CAPZA1: variants seen among roughly 807,000 people sequenced by gnomAD.
CAPZA1 encodes the protein F-actin-capping protein subunit alpha-1.
CAPZA1 carries 10 observed loss-of-function variants against 40.8 expected under a neutral mutation model. The ratio of observed to expected loss-of-function variants is 0.25; its 90% CI spans 0.15 to 0.42. CAPZA1 has a LOEUF of 0.42. Ranked by LOEUF, CAPZA1 falls within the 10% of genes least tolerant of loss-of-function variation. CAPZA1 has a pLI of 1.00. For synonymous variants in CAPZA1, 98 were observed against 115.0 expected, an observed-to-expected ratio of 0.85 and a Z score of 0.95; for missense variants, 277 against 353.8, an observed-to-expected ratio of 0.78 and a Z score of 1.74.
intron 1 of CAPZA1, among the ~76,000 whole-genome samples, chr1:112,642,194 C>G (rs539331948): frequency 6.9e-6 from 1 of 144,296 alleles, no homozygotes; most frequent in African/African-American, 2.5e-5. Context: ...CTGAAGACTA[C>G]CCCGCACCTT....
At chr1:112,657,093 G>A (rs1671513748) in intron 5 of CAPZA1, among the ~76,000 whole-genome samples, 2 of 151,880 alleles carry the variant, frequency 1.3e-5, no homozygotes, top group South Asian at 4.2e-4. Flanking sequence ...GTAGAGACGG[G>A]GTTTCACTGT....
chr1:112,621,763 T>G (rs1670674546), intron 1 of CAPZA1, among the ~76,000 whole-genome samples: 2 of 145,000 alleles, frequency 1.4e-5, no homozygotes, highest in Non-Finnish European at 3.0e-5. Context: ...GGGTTATGGT[T>G]TTTTTTTTTT....
At position 112,619,903 on chromosome 1, in the gene CAPZA1, C is replaced by G. The variant is rs1166371738; in HGVS notation, c.39+20C>G. On this transcript the variant is annotated intron_variant, in intron 1 of 9. Coordinates refer to ENST00000263168, the MANE Select transcript of CAPZA1 (RefSeq NM_006135.3). ...GAGAAGGTAAGGGGTCCGCCTCTCTCTCTTACCTCCTCCCCCGACAGGGAA... is the reference window on the plus strand; with the variant it reads ...GAGAAGGTAAGGGGTCCGCCTCTCTGTCTTACCTCCTCCCCCGACAGGGAA... The G allele has an allele frequency of 6.3e-7, 1 of 1,593,456 alleles. No homozygotes were observed. Among genetic ancestry groups the G allele is most frequent in the Non-Finnish European group, 8.6e-7 (1 of 1,167,296 alleles).
At chr1:112,666,345 A>G (rs1671724692) in intron 7 of CAPZA1, among the ~76,000 whole-genome samples, 1 of 152,168 alleles carries the variant, frequency 6.6e-6, no homozygotes, top group Non-Finnish European at 1.5e-5. Flanking sequence ...TCCTATTCAA[A>G]TGCACAAAAG....
At chr1:112,632,270 T>G (rs1378901382) in intron 1 of CAPZA1, among the ~76,000 whole-genome samples, 2 of 152,188 alleles carry the variant, frequency 1.3e-5, no homozygotes, top group African/African-American at 4.8e-5. Context: ...ATCACGCCAC[T>G]GCACTCCATC....
intron 1 of CAPZA1, among the ~76,000 whole-genome samples, chr1:112,622,173 G>T (rs1432374116): frequency 6.6e-6 from 1 of 152,030 alleles, no homozygotes; most frequent in Admixed American, 6.6e-5. Context: ...TTTTCTAAAG[G>T]CAGTGAACCT....
chr1:112,621,863 G>A (rs1044518572), intron 1 of CAPZA1, among the ~76,000 whole-genome samples: 1 of 145,540 alleles, frequency 6.9e-6, no homozygotes, highest in Non-Finnish European at 1.5e-5. Flanking sequence ...TCTGGTTCAA[G>A]CGATTCTCCT....
chr1:112,620,378 A>G (rs1670591416), intron 1 of CAPZA1: 1 of 153,116 alleles, frequency 6.5e-6, no homozygotes, highest in South Asian at 1.8e-4. Context: ...TTTTGCTGTC[A>G]CGACTCTTCG....
At chr1:112,627,026 T>C (rs989567973) in intron 1 of CAPZA1, among the ~76,000 whole-genome samples, 1 of 152,246 alleles carries the variant, frequency 6.6e-6, no homozygotes, top group African/African-American at 2.4e-5. Context: ...ATTAACCATG[T>C]ATTTATCTCA....
At position 112,638,471 on chromosome 1, in the gene CAPZA1, C is replaced by T. The variant is rs145269887; in HGVS notation, c.40-8739C>T. On this transcript the variant is annotated intron_variant, in intron 1 of 9. Transcript: ENST00000263168. Reference sequence around the variant, plus strand: ...CTGGGATTACAGGTGCCCACCACTACGCCCGGCTAGTGTTTATATTTTTAG... The same window carrying T: ...CTGGGATTACAGGTGCCCACCACTATGCCCGGCTAGTGTTTATATTTTTAG... 1.4e-3 allele frequency among the ~76,000 whole-genome samples: 207 copies of T among 152,174 alleles called. 6 individuals carry two copies. In the East Asian group the frequency reaches 0.032, roughly 23 times the overall value.
chr1:112,645,569 G>A (rs902544221), intron 1 of CAPZA1, among the ~76,000 whole-genome samples: 26 of 152,068 alleles, frequency 1.7e-4, no homozygotes, highest in African/African-American at 6.3e-4. Flanking sequence ...AGGAGTTTGA[G>A]GTTACAGTGA....
rs1671835144 is a variant in CAPZA1 at position 112,671,568 on chromosome 1, T to C, written c.*1436T>C. 6.5e-6 allele frequency: 1 copy of C among 152,678 alleles called. No homozygotes were observed. Among genetic ancestry groups the C allele is most frequent in the African/African-American group, 2.4e-5 (1 of 41,472 alleles). 9.5% of individuals were successfully genotyped at this position (152,678 alleles called of 1,614,324 possible). A position where few individuals can be genotyped will look rare whatever the true frequency, so the allele number is the denominator to read the frequency against. On this transcript the variant is annotated 3_prime_UTR_variant, in exon 10 of 10. Coordinates refer to ENST00000263168, the MANE Select transcript of CAPZA1 (RefSeq NM_006135.3). The stretch of plus-strand genomic sequence containing the variant: ...CATACTATCCATCCATACCACACTA[T>C]CTTCTGTATCAGGTAGTCTAATAGA...
At chr1:112,664,350 C>CTG (rs1223974074) in intron 7 of CAPZA1, among the ~76,000 whole-genome samples, 1 of 151,920 alleles carries the variant, frequency 6.6e-6, no homozygotes, top group East Asian at 1.9e-4. Context: ...TGAAGCTTGA[C>CTG]TGTTAGTTAT....
intron 1 of CAPZA1, among the ~76,000 whole-genome samples, chr1:112,624,017 AAAAG>A (rs1191670536): frequency 2.8e-5 from 4 of 144,922 alleles, no homozygotes; most frequent in Non-Finnish European, 4.6e-5. Flanking sequence ...AAAAAAAAAA[AAAAG>A]AAAAAAGAAA....
chr1:112,670,439 A>G lies in CAPZA1; in HGVS notation c.*307A>G. On this transcript the variant is annotated 3_prime_UTR_variant, in exon 10 of 10. Transcript: ENST00000263168. ...GAGTGATCTATCCTAATGACATTTTACTGTTTAAAAAAGTTTCCTAGCCAT... is the reference window on the plus strand; with the variant it reads ...GAGTGATCTATCCTAATGACATTTTGCTGTTTAAAAAAGTTTCCTAGCCAT... 4.8e-6 allele frequency: 1 copy of G among 209,424 alleles called. No homozygotes were observed. The highest frequency in any genetic ancestry group is 8.4e-6 in the Non-Finnish European group (1 of 119,036). 13.0% of individuals were successfully genotyped at this position (209,424 alleles called of 1,614,324 possible).
In CAPZA1 at chr1:112,619,863, C is replaced by A. The variant is rs914151348; in HGVS notation, c.19C>A (p.Arg7Ser). The change falls in exon 1 of 10, where the codon CGT becomes AGT. Residue 7 changes from arginine to serine, a missense_variant. By Grantham distance (110) the Arg-to-Ser change is moderately radical. Coordinates refer to ENST00000263168, the MANE Select transcript of CAPZA1 (RefSeq NM_006135.3). ...GCCCAAGATGGCCGACTTCGATGAT[C>A]GTGTGTCGGATGAGGAGAAGGTAAG... MADFDD[R>S]VSDEEKVRIA... is the part of the protein sequence containing the mutation. The A allele has an allele frequency of 2.5e-6, 4 of 1,613,014 alleles. No individual in the cohort carries two copies. Among genetic ancestry groups the A allele is most frequent in the African/African-American group, 1.3e-5 (1 of 75,036 alleles).
intron 5 of CAPZA1, among the ~76,000 whole-genome samples, chr1:112,657,765 T>G (rs990393652): frequency 6.6e-6 from 1 of 152,156 alleles, no homozygotes; most frequent in Non-Finnish European, 1.5e-5. Context: ...CTAATTTTTG[T>G]ATTTTTAGTA....
At chr1:112,644,264 C>T (rs952684950) in intron 1 of CAPZA1, among the ~76,000 whole-genome samples, 10 of 123,866 alleles carry the variant, frequency 8.1e-5, no homozygotes, top group African/African-American at 3.2e-4. Context: ...AATCTTGGTT[C>T]ACTGCAACCT....
At chr1:112,650,911 A>G (rs1671374917) in intron 3 of CAPZA1, among the ~76,000 whole-genome samples, 1 of 152,222 alleles carries the variant, frequency 6.6e-6, no homozygotes, top group South Asian at 2.1e-4. Flanking sequence ...CTTTGTATTT[A>G]TAACTATTCT....
Sources: allele counts gnomAD v4.1 joint callset (sites outside exome capture counted in the v4.1 genomes callset), GRCh38; gene constraint gnomAD v4.1.1; transcripts MANE v1.5; gene names NCBI Gene and HGNC (gene_info 2026-07-23, HGNC 2026-07-21).